OR2AP1: variants seen among roughly 807,000 people sequenced by gnomAD.
OR2AP1 encodes the protein olfactory receptor family 2 subfamily AP member 1.
Under a neutral mutation model 13.9 loss-of-function variants are expected in OR2AP1, and 20 were observed. That is an observed-to-expected ratio of 1.44 (90% confidence interval 1.01 to 2.09). The LOEUF is 2.09. OR2AP1 is among the 30% of genes most tolerant of loss of function. OR2AP1 has a pLI of 0.00. For missense variants in OR2AP1, 490 were observed against 360.6 expected (o/e 1.36, Z -2.91); for synonymous variants, 174 against 137.0 (o/e 1.27, Z -1.89).
chr12:55,574,130 G>A (rs1874488308), intron 1 of OR2AP1, 90 bp from the exon 2 acceptor site: 1 of 296,584 alleles, frequency 3.4e-6, no homozygotes, highest in Admixed American at 4.7e-5. Context: ...ACAATGTTTT[G>A]AATATCATTT....
chr12:55,574,855 G>T lies in OR2AP1; in HGVS notation c.441G>T (p.Trp147Cys). Reference sequence around the variant, plus strand: ...GCATCCAGCTGATTTTCTGCTCTTGGCTGGGTGGGCTAATGGCTATTATAC... The same window carrying T: ...GCATCCAGCTGATTTTCTGCTCTTGTCTGGGTGGGCTAATGGCTATTATAC... ...RICIQLIFCS[W>C]LGGLMAIIPT... The change falls in exon 2 of 2, where the codon TGG becomes TGT. Residue 147 changes from tryptophan to cysteine, a missense_variant. Trp to Cys is a radical substitution (Grantham distance 215, BLOSUM62 -2). Transcript: ENST00000641114. The T allele has an allele frequency of 6.4e-7, 1 of 1,568,696 alleles. No homozygotes were observed. Among genetic ancestry groups the T allele is most frequent in the South Asian group, 1.2e-5 (1 of 86,068 alleles).
chr12:55,574,911 T>G lies in OR2AP1; in HGVS notation c.497T>G (p.Phe166Cys). 1 of 1,540,820 alleles carries G rather than the reference T, an allele frequency of 6.5e-7. No individual in the cohort carries two copies. Among genetic ancestry groups the G allele is most frequent in the South Asian group, 1.2e-5 (1 of 84,224 alleles). Reference sequence around the variant, plus strand: ...ATCACCCTGATGAGTCAGCAGGACTTTTGTGCATCCAACAGACTGAATCAT... The same window carrying G: ...ATCACCCTGATGAGTCAGCAGGACTGTTGTGCATCCAACAGACTGAATCAT... ...PTITLMSQQD[F>C]CASNRLNHYF... Residue 166 changes from phenylalanine to cysteine, a missense_variant, in exon 2 of 2, where the codon TTT becomes TGT. Transcript: ENST00000641114.
rs574050141 is a variant in OR2AP1, at chr12:55,575,525, A to G, written c.*181A>G. 497 of 469,712 alleles carry G rather than the reference A, an allele frequency of 1.1e-3. 1 individual carries two copies. Among genetic ancestry groups the G allele is most frequent in the African/African-American group, 9.2e-3 (466 of 50,778 alleles). The allele number at this position is 469,712 out of a possible 1,614,324, so 29.1% of individuals were successfully genotyped here. On this transcript the variant is annotated 3_prime_UTR_variant, in exon 2 of 2. Transcript: ENST00000641114. Reference sequence around the variant, plus strand: ...TGTAGGGACATGGATGAAATTGGAAATCATCATTCTCAGTAAACTATCACA... The same window carrying G: ...TGTAGGGACATGGATGAAATTGGAAGTCATCATTCTCAGTAAACTATCACA...
rs549206755 is a variant in OR2AP1 at position 55,572,523 on chromosome 12, ATGTTACC to A, written c.-290_-284del. 239 of 152,246 alleles carry A rather than the reference ATGTTACC, an allele frequency of 1.6e-3. No homozygotes were observed. Among genetic ancestry groups the A allele is most frequent in the African/African-American group, 5.3e-3 (222 of 41,538 alleles). The allele number at this position is 152,246 out of a possible 1,614,324, so 9.4% of individuals were successfully genotyped here. ...CATTTGGATAGTCAAGTCAGGAAGT[ATGTTACC>A]TGTTTATAGCTTCATTTATTTTACT... On this transcript the variant is annotated 5_prime_UTR_variant, in exon 1 of 2. The change abolishes the stop of an existing upstream ORF in the 5' untranslated region. Transcript: ENST00000641114.
chr12:55,574,314 T>C lies in OR2AP1; in HGVS notation c.-101T>C. The C allele has an allele frequency of 1.5e-6, 1 of 648,250 alleles. No individual in the cohort carries two copies. The highest frequency in any genetic ancestry group is 2.0e-5 in the South Asian group (1 of 50,244). The allele number at this position is 648,250 out of a possible 1,614,324, so 40.2% of individuals were successfully genotyped here. A position where few individuals can be genotyped will look rare whatever the true frequency, so the allele number is the denominator to read the frequency against. On this transcript the variant is annotated 5_prime_UTR_variant, in exon 2 of 2. Coordinates refer to ENST00000641114, the MANE Select transcript of OR2AP1 (RefSeq NM_001258285.2). ...AGAAGTTAATCATCCATTTCATTTT[T>C]TTCTTGTCAGACTTCATCCGTTCAT... is the stretch of plus-strand genomic sequence containing the variant.
chr12:55,573,645 T>G (rs1463317875), intron 1 of OR2AP1, among the ~76,000 whole-genome samples: 1 of 152,206 alleles, frequency 6.6e-6, no homozygotes, highest in Non-Finnish European at 1.5e-5. Context: ...TAACATTTCC[T>G]TGGAATTTAA....
rs1260929441 is a variant in OR2AP1 at position 55,574,571 on chromosome 12, C to A, written c.157C>A (p.Leu53Ile). The A allele has an allele frequency of 6.5e-7, 1 of 1,540,438 alleles. No individual in the cohort carries two copies. Among genetic ancestry groups the A allele is most frequent in the Non-Finnish European group, 8.7e-7 (1 of 1,148,464 alleles). Reference protein sequence around the residue: ...ILILTLLDSHLQTPMYFFLRN... With the variant: ...ILILTLLDSHIQTPMYFFLRN... ...CATCCTCACCTTGCTGGACTCCCAC[C>A]TTCAGACTCCCATGTATTTCTTTCT... The change falls in exon 2 of 2, where the codon CTT becomes ATT. Residue 53 changes from leucine (L) to isoleucine (I), a missense_variant. Transcript: ENST00000641114.
rs767066347 is a variant in OR2AP1 at position 55,574,431 on chromosome 12, T to C, written c.17T>C (p.Val6Ala). 10 of 1,522,844 alleles carry C rather than the reference T, an allele frequency of 6.6e-6. No individual in the cohort carries two copies. In the South Asian group the frequency reaches 1.2e-4, roughly 19 times the overall value. The allele number at this position is 1,522,844 out of a possible 1,614,324, so 94.3% of individuals were successfully genotyped here. A position where few individuals can be genotyped will look rare whatever the true frequency, so the allele number is the denominator to read the frequency against. ...TTTTCAACAATGAAAAATAAAACCGTGTTAACTGAGTTTATCCTTCTGGGT... is the reference window on the plus strand; with the variant it reads ...TTTTCAACAATGAAAAATAAAACCGCGTTAACTGAGTTTATCCTTCTGGGT... MKNKT[V>A]LTEFILLGLT... Residue 6 changes from valine (V) to alanine (A), a missense_variant, in exon 2 of 2, where the codon GTG (valine) becomes GCG (alanine). By Grantham distance (64) the Val-to-Ala change is moderately conservative (BLOSUM62 0). Coordinates refer to ENST00000641114, the MANE Select transcript of OR2AP1 (RefSeq NM_001258285.2).
chr12:55,573,234 C>G (rs11171569), intron 1 of OR2AP1, among the ~76,000 whole-genome samples: 35,013 of 151,754 alleles, frequency 0.23, 4,213 homozygotes, highest in East Asian at 0.46. Context: ...CTCTATAAAA[C>G]TTTTAAGTGA....
intron 1 of OR2AP1, among the ~76,000 whole-genome samples, chr12:55,572,979 C>G (rs1372389427): frequency 1.3e-5 from 2 of 152,014 alleles, no homozygotes; most frequent in Non-Finnish European, 2.9e-5. Flanking sequence ...TCAAAACCAG[C>G]CTGGGCAACA....
chr12:55,575,181 TG>T lies in OR2AP1; in HGVS notation c.768del (p.Met256IlefsTer17), dbSNP rs1874532403. ...ISLSYGSCMF[M>X]YINPSAKEGD... ...CTCTCTTACGGAAGCTGCATGTTTATGTACATTAATCCCTCTGCAAAAGAAG... is the reference window on the plus strand; with the variant it reads ...CTCTCTTACGGAAGCTGCATGTTTATTACATTAATCCCTCTGCAAAAGAAG... On this transcript the variant is annotated frameshift_variant, in exon 2 of 2. Transcript: ENST00000641114. LOFTEE classifies it high-confidence loss of function. 6.2e-7 allele frequency: 1 copy of T among 1,600,098 alleles called. No individual in the cohort carries two copies. The highest frequency in any genetic ancestry group is 1.7e-5 in the Admixed American group (1 of 59,534).
At chr12:55,573,696 T>G (rs1373656743) in intron 1 of OR2AP1, among the ~76,000 whole-genome samples, 2 of 152,224 alleles carry the variant, frequency 1.3e-5, no homozygotes, top group Non-Finnish European at 2.9e-5. Context: ...ATTCTAGATC[T>G]AAAGATTCTG....
rs895133663 is a variant in OR2AP1, at chr12:55,575,435, A to C, written c.*91A>C. 2 of 679,664 alleles carry C rather than the reference A, an allele frequency of 2.9e-6. No individual in the cohort carries two copies. Among genetic ancestry groups the C allele is most frequent in the Non-Finnish European group, 4.9e-6 (2 of 409,782 alleles). 42.1% of individuals were successfully genotyped at this position (679,664 alleles called of 1,614,324 possible). A position where few individuals can be genotyped will look rare whatever the true frequency, so the allele number is the denominator to read the frequency against. ...TCCAACAATGATAGACTGGATTAAG[A>C]AAATATGGCACATATACACCATGGA... On this transcript the variant is annotated 3_prime_UTR_variant, in exon 2 of 2. Coordinates refer to ENST00000641114, the MANE Select transcript of OR2AP1 (RefSeq NM_001258285.2).
Position 55,574,405 on chromosome 12 carries a change from T to C in OR2AP1, c.-10T>C. 1 of 1,471,506 alleles carries C rather than the reference T, an allele frequency of 6.8e-7. No individual in the cohort carries two copies. Among genetic ancestry groups the C allele is most frequent in the South Asian group, 1.3e-5 (1 of 76,656 alleles). The allele number at this position is 1,471,506 out of a possible 1,614,324, so 91.2% of individuals were successfully genotyped here. ...TCTTTTTCACTTTGAGACTCAAAAT[T>C]TTTTCAACAATGAAAAATAAAACCG... is the stretch of plus-strand genomic sequence containing the variant. On this transcript the variant is annotated 5_prime_UTR_variant, in exon 2 of 2. Coordinates refer to ENST00000641114, the MANE Select transcript of OR2AP1 (RefSeq NM_001258285.2).
chr12:55,574,777 T>C lies in OR2AP1; in HGVS notation c.363T>C (p.Tyr121=), dbSNP rs1477162138. The part of the protein sequence containing the change: ...YLLAAMSYDR[Y]VAICKPLHYT... ...TGGCTGCCATGTCCTATGACCGCTA[T>C]GTGGCCATCTGCAAACCTCTGCATT... is the stretch of plus-strand genomic sequence containing the variant. Residue 121 remains tyrosine (Y), a synonymous_variant, in exon 2 of 2, where the codon TAT becomes TAC. Transcript: ENST00000641114. The C allele has an allele frequency of 6.2e-7, 1 of 1,607,564 alleles. No individual in the cohort carries two copies. Among genetic ancestry groups the C allele is most frequent in the East Asian group, 2.2e-5 (1 of 44,644 alleles).
Position 55,574,558 on chromosome 12 carries a change from G to A in OR2AP1, c.144G>A (p.Leu48=). 1.3e-6 allele frequency: 2 copies of A among 1,539,970 alleles called. No individual in the cohort carries two copies. The highest frequency in any genetic ancestry group is 2.4e-5 in the East Asian group (1 of 40,992). Residue 48 remains leucine (L), a synonymous_variant, in exon 2 of 2, where the codon TTG becomes TTA. Transcript: ENST00000641114. The part of the protein sequence containing the change: ...LGNLTILILT[L]LDSHLQTPMY... ...ATCTGACTATCCTCATCCTCACCTT[G>A]CTGGACTCCCACCTTCAGACTCCCA... is the stretch of plus-strand genomic sequence containing the variant.
rs1874493440 is a variant in OR2AP1 at position 55,574,348 on chromosome 12, A to G, written c.-67A>G. 1.3e-6 allele frequency: 1 copy of G among 757,308 alleles called. No homozygotes were observed. Among genetic ancestry groups the G allele is most frequent in the Non-Finnish European group, 2.1e-6 (1 of 475,544 alleles). The allele number at this position is 757,308 out of a possible 1,614,324, so 46.9% of individuals were successfully genotyped here. The stretch of plus-strand genomic sequence containing the variant: ...AGACTTCATCCGTTCATTTCAGAGC[A>G]CCTCTTCCTTTCTCACTTTTGATTA... On this transcript the variant is annotated 5_prime_UTR_variant, in exon 2 of 2. Transcript: ENST00000641114.
chr12:55,574,133 T>C (rs1266422694), intron 1 of OR2AP1, 87 bp from the exon 2 acceptor site: 3 of 303,746 alleles, frequency 9.9e-6, no homozygotes, highest in Non-Finnish European at 1.8e-5. Flanking sequence ...ATGTTTTGAA[T>C]ATCATTTATG....
Position 55,575,001 on chromosome 12 carries a change from T to G in OR2AP1, c.587T>G (p.Val196Gly), listed in dbSNP as rs755170045. 9.2e-5 allele frequency: 142 copies of G among 1,537,442 alleles called. No homozygotes were observed. The highest frequency in any genetic ancestry group is 1.0e-4 in the Non-Finnish European group (115 of 1,146,892). Residue 196 changes from valine (V) to glycine (G), a missense_variant, in exon 2 of 2, where the codon GTT (valine) becomes GGT (glycine). Coordinates refer to ENST00000641114, the MANE Select transcript of OR2AP1 (RefSeq NM_001258285.2). ...SCSDTSLIEK[V>G]VFLVASVTLV... ...TCAGACACAAGCCTCATAGAGAAGGTTGTCTTTCTTGTGGCATCTGTGACC... is the reference window on the plus strand; with the variant it reads ...TCAGACACAAGCCTCATAGAGAAGGGTGTCTTTCTTGTGGCATCTGTGACC...
Sources: gnomAD v4.1 joint callset for allele counts (sites outside exome capture counted in the v4.1 genomes callset) on GRCh38, gnomAD v4.1.1 for gene constraint, MANE v1.5 for transcripts, NCBI Gene and HGNC (gene_info 2026-07-23, HGNC 2026-07-21) for gene names.